KCND2: variants seen among roughly 807,000 people sequenced by gnomAD.
KCND2 encodes potassium voltage-gated channel subfamily D member 2.
A neutral mutation model predicts 54.4 loss-of-function variants in KCND2; 16 were observed. The observed-to-expected ratio is 0.29, with a 90% CI of 0.20 to 0.45. The LOEUF is 0.45. KCND2 is among the 20% of genes least tolerant of loss of function. The pLI, the probability that KCND2 is intolerant of heterozygous loss-of-function variation, is 1.00. For missense variants in KCND2, 486 were observed against 824.2 expected, an observed-to-expected ratio of 0.59 and a Z score of 5.02; for synonymous variants, 317 against 310.7, an observed-to-expected ratio of 1.02 and a Z score of -0.21.
rs968020692 is a variant in KCND2, at chr7:120,461,751, A to T, written c.1115+186004A>T. On this transcript the variant is annotated intron_variant, in intron 1 of 5. Coordinates refer to ENST00000331113, the MANE Select transcript of KCND2 (RefSeq NM_012281.3). ...GTAGAATGCTATTTTCATTTTTTTA[A>T]AAAAAAACAGATTTCTGTTCCCATT... 3.3e-5 allele frequency among the ~76,000 whole-genome samples: 5 copies of T among 152,112 alleles called. No homozygotes were observed. In the East Asian group the frequency reaches 9.6e-4, roughly 29 times the overall value.
intron 1 of KCND2, among the ~76,000 whole-genome samples, chr7:120,446,677 A>C (rs1051668936): frequency 6.6e-6 from 1 of 152,178 alleles, no homozygotes; most frequent in African/African-American, 2.4e-5. Context: ...ACACTAAATG[A>C]GTGCATATTT....
intron 1 of KCND2, among the ~76,000 whole-genome samples, chr7:120,556,449 C>T (rs895069678): frequency 9.2e-5 from 14 of 152,164 alleles, no homozygotes; most frequent in African/African-American, 3.4e-4. Context: ...CAGGAGAAGT[C>T]AGCTCAGGGA....
At chr7:120,591,383 A>G (rs1792669790) in intron 1 of KCND2, among the ~76,000 whole-genome samples, 1 of 152,218 alleles carries the variant, frequency 6.6e-6, no homozygotes, top group Admixed American at 6.5e-5. Context: ...TGCTCATGAA[A>G]TTAGACTTAC....
intron 1 of KCND2, among the ~76,000 whole-genome samples, chr7:120,442,239 G>A (rs1801955563): frequency 6.6e-6 from 1 of 152,048 alleles, no homozygotes; most frequent in Non-Finnish European, 1.5e-5. Context: ...TCTCAAGGCT[G>A]CTGTCCATGA....
chr7:120,725,488 A>T (rs1326938864), intron 1 of KCND2, among the ~76,000 whole-genome samples: 3 of 152,196 alleles, frequency 2.0e-5, no homozygotes, highest in Non-Finnish European at 4.4e-5. Flanking sequence ...TGCCCAAAAT[A>T]CAGCCTAAAT....
chr7:120,435,876 A>C (rs1801859114), intron 1 of KCND2, among the ~76,000 whole-genome samples: 1 of 152,116 alleles, frequency 6.6e-6, no homozygotes, highest in South Asian at 2.1e-4. Context: ...AGCTTATTGC[A>C]CTGTTAAGCC....
chr7:120,466,717 C>T (rs1284780895), intron 1 of KCND2, among the ~76,000 whole-genome samples: 1 of 152,138 alleles, frequency 6.6e-6, no homozygotes, highest in Non-Finnish European at 1.5e-5. Context: ...CAAAGTTTCC[C>T]AAACTTAGTG....
At chr7:120,647,793 A>G (rs1353711439) in intron 1 of KCND2, among the ~76,000 whole-genome samples, 1 of 152,228 alleles carries the variant, frequency 6.6e-6, no homozygotes, top group African/African-American at 2.4e-5. Context: ...ACTGTGTAGT[A>G]TTATGCTCAC....
At chr7:120,383,459 T>C (rs1800940798) in intron 1 of KCND2, among the ~76,000 whole-genome samples, 1 of 152,070 alleles carries the variant, frequency 6.6e-6, no homozygotes, top group African/African-American at 2.4e-5. Context: ...AATTAAACTA[T>C]TGGAGAATTT....
At chr7:120,453,665 T>C (rs1802150105) in intron 1 of KCND2, among the ~76,000 whole-genome samples, 2 of 152,174 alleles carry the variant, frequency 1.3e-5, no homozygotes, top group African/African-American at 4.8e-5. Context: ...CTTAATGACT[T>C]TGTAGTAAAC....
At chr7:120,532,910 A>G (rs1791859686) in intron 1 of KCND2, among the ~76,000 whole-genome samples, 2 of 152,174 alleles carry the variant, frequency 1.3e-5, no homozygotes, top group East Asian at 3.9e-4. Flanking sequence ...ATTATATTAA[A>G]AAGAATAAAT....
intron 1 of KCND2, among the ~76,000 whole-genome samples, chr7:120,710,910 C>A (rs867475577): frequency 3.2e-4 from 49 of 151,978 alleles, no homozygotes; most frequent in African/African-American, 1.1e-3. Flanking sequence ...ACTATTATAT[C>A]TTTTTTATAA....
Position 120,747,829 on chromosome 7 carries a change from G to A in KCND2, c.1864G>A (p.Gly622Arg). The A allele has an allele frequency of 6.2e-7, 1 of 1,612,324 alleles. No homozygotes were observed. The change falls in exon 6 of 6, where the codon GGA (glycine) becomes AGA (arginine). Residue 622 changes from glycine (G) to arginine (R), a missense_variant. Around this residue, in one of 7 missense-constraint regions of KCND2, gnomAD observed 202 missense variants for 252.7 expected, o/e 0.80. Coordinates refer to ENST00000331113, the MANE Select transcript of KCND2 (RefSeq NM_012281.3). ...DRPESPEYSG[G>R]NIVRVSAL is the part of the protein sequence containing the mutation. Reference sequence around the variant, plus strand: ...GCCAGAATCCCCTGAGTACTCAGGAGGAAATATTGTCAGAGTTTCTGCTTT... The same window carrying A: ...GCCAGAATCCCCTGAGTACTCAGGAAGAAATATTGTCAGAGTTTCTGCTTT...
chr7:120,490,176 T>C (rs1435212608), intron 1 of KCND2, among the ~76,000 whole-genome samples: 1 of 152,158 alleles, frequency 6.6e-6, no homozygotes, highest in Non-Finnish European at 1.5e-5. Context: ...TACGTTAGTA[T>C]CAGTAATTTG....
At chr7:120,632,322 T>G (rs116657852) in intron 1 of KCND2, among the ~76,000 whole-genome samples, 2,894 of 152,288 alleles carry the variant, frequency 0.019, 76 homozygotes, top group African/African-American at 0.064. Context: ...TAAATACTTC[T>G]GTCTTGCACT....
At chr7:120,590,350 T>A (rs1792655277) in intron 1 of KCND2, among the ~76,000 whole-genome samples, 1 of 152,162 alleles carries the variant, frequency 6.6e-6, no homozygotes, top group South Asian at 2.1e-4. Flanking sequence ...CACAGTGGTT[T>A]GCATCTCCCT....
chr7:120,407,058 A>G (rs182648024), intron 1 of KCND2, among the ~76,000 whole-genome samples: 8 of 151,766 alleles, frequency 5.3e-5, no homozygotes, highest in Admixed American at 4.6e-4. Context: ...GAAATTCTCA[A>G]TGAAAAAAAA....
chr7:120,374,642 T>C (rs1057370361), intron 1 of KCND2, among the ~76,000 whole-genome samples: 2 of 151,806 alleles, frequency 1.3e-5, no homozygotes, highest in African/African-American at 2.4e-5. Context: ...TCAGATAAAA[T>C]TTAGACTGTT....
intron 1 of KCND2, among the ~76,000 whole-genome samples, chr7:120,534,228 A>G (rs1427265588): frequency 6.6e-6 from 1 of 152,130 alleles, no homozygotes; most frequent in Non-Finnish European, 1.5e-5. Context: ...GAAAAACATT[A>G]TCTTATCCAT....
Sources: allele counts gnomAD v4.1 joint callset (sites outside exome capture counted in the v4.1 genomes callset), GRCh38; gene constraint gnomAD v4.1.1; regional missense constraint gnomAD v4.1.1; transcripts MANE v1.5; gene names NCBI Gene and HGNC (gene_info 2026-07-23, HGNC 2026-07-21).